The following COG6 variants were observed in gnomAD, a reference collection of about 807,000 sequenced individuals.
COG6 encodes component of oligomeric golgi complex 6, also known as conserved oligomeric Golgi complex subunit 6.
In COG6, 74 loss-of-function variants were observed where a neutral mutation model predicts 88.8. The ratio of observed to expected loss-of-function variants is 0.83; its 90% CI spans 0.69 to 1.01. The LOEUF (loss-of-function observed/expected upper bound fraction) is 1.01, where lower values mean the gene tolerates loss of function less well. COG6 is among the 50% of genes least tolerant of loss of function. The pLI is 0.00. For synonymous variants in COG6, 286 were observed against 278.7 expected (o/e 1.03, Z -0.26); for missense variants, 800 against 797.9 (o/e 1.00, Z -0.03).
At chr13:39,710,844 CTT>C (rs11288000) in intron 13 of COG6, among the ~76,000 whole-genome samples, 67 of 147,828 alleles carry the variant, frequency 4.5e-4, no homozygotes, top group South Asian at 8.6e-4. Context: ...TGGTTCTTTT[CTT>C]TTTTTTTTTG....
chr13:39,679,215 A>T, intron 5 of COG6: 1 of 318,044 alleles, frequency 3.1e-6, no homozygotes, highest in Non-Finnish European at 5.9e-6. Context: ...TTCATGTAGT[A>T]ATTTTTAGTT....
chr13:39,775,608 C>G (rs1047976172), intron 18 of COG6, among the ~76,000 whole-genome samples: 1 of 152,180 alleles, frequency 6.6e-6, no homozygotes, highest in African/African-American at 2.4e-5. Flanking sequence ...CCCCTCACAT[C>G]CTGTGACCTT....
At position 39,781,441 on chromosome 13, in the gene COG6, G is replaced by GT. The variant is rs34052593; in HGVS notation, c.1827-6878dup. On this transcript the variant is annotated intron_variant, in intron 18 of 18. Transcript: ENST00000416691. ...AAAAAAGTAGGAGCAAATGCGGAGG[G>GT]TTTTTTTTTTTTTTTTAGTATGAGA... Among the ~76,000 whole-genome samples the GT allele has an allele frequency of 3.9e-3, 552 of 142,166 alleles. 3 individuals carry two copies. Among genetic ancestry groups the GT allele is most frequent in the African/African-American group, 0.013 (516 of 38,922 alleles). 93.3% of individuals were successfully genotyped at this position (142,166 alleles called of 152,430 possible). A position where few individuals can be genotyped will look rare whatever the true frequency, so the allele number is the denominator to read the frequency against.
intron 12 of COG6, among the ~76,000 whole-genome samples, chr13:39,697,561 A>T (rs562328313): frequency 6.6e-6 from 1 of 151,986 alleles, no homozygotes; most frequent in African/African-American, 2.4e-5. Flanking sequence ...TTACTTTCCT[A>T]TGCCCTTATC....
At chr13:39,694,495 A>C (rs1182599219) in intron 11 of COG6, 139 bp from the exon 12 acceptor site, 2 of 558,350 alleles carry the variant, frequency 3.6e-6, no homozygotes, top group Non-Finnish European at 6.6e-6. Flanking sequence ...CTTACTACTC[A>C]GAAATTATTT....
At chr13:39,715,153 G>A (rs1878458242) in intron 13 of COG6, among the ~76,000 whole-genome samples, 1 of 151,802 alleles carries the variant, frequency 6.6e-6, no homozygotes, top group South Asian at 2.1e-4. Context: ...CTTCGCCACA[G>A]TACAATCATC....
intron 13 of COG6, among the ~76,000 whole-genome samples, chr13:39,707,435 T>C (rs1223284035): frequency 1.3e-5 from 2 of 152,184 alleles, no homozygotes; most frequent in Non-Finnish European, 2.9e-5. Context: ...CCAAGCTTTA[T>C]TTTTAACTGC....
chr13:39,698,898 A>G (rs1352712352), intron 12 of COG6, among the ~76,000 whole-genome samples: 5 of 151,816 alleles, frequency 3.3e-5, no homozygotes, highest in Non-Finnish European at 7.4e-5. Flanking sequence ...GAATGGGTCT[A>G]AGAAATAGCC....
intron 18 of COG6, among the ~76,000 whole-genome samples, chr13:39,763,813 A>C (rs1388303070): frequency 6.6e-6 from 1 of 151,810 alleles, no homozygotes; most frequent in Non-Finnish European, 1.5e-5. Context: ...ATTTTATATG[A>C]TAACACTTCA....
intron 18 of COG6, among the ~76,000 whole-genome samples, chr13:39,743,880 C>T (rs917375355): frequency 1.3e-5 from 2 of 152,078 alleles, no homozygotes; most frequent in Non-Finnish European, 1.5e-5. Context: ...CTGAATCCAG[C>T]AGCACATCAA....
In COG6 at chr13:39,751,425, A is replaced by C; in HGVS notation, c.*332A>C. The C allele has an allele frequency of 7.8e-7, 1 of 1,285,000 alleles. No homozygotes were observed. The highest frequency in any genetic ancestry group is 1.0e-6 in the Non-Finnish European group (1 of 983,646). 79.6% of individuals were successfully genotyped at this position (1,285,000 alleles called of 1,614,324 possible). On this transcript the variant is annotated 3_prime_UTR_variant, in exon 19 of 19. Transcript: ENST00000455146. ...TTTTTTTTTACAAGACTAGTTCTAA[A>C]TTAACAGCTTATAAAAAATTTGTCT...
At chr13:39,741,688 T>G (rs1479125116) in intron 18 of COG6, among the ~76,000 whole-genome samples, 4 of 152,044 alleles carry the variant, frequency 2.6e-5, no homozygotes, top group Admixed American at 6.6e-5. Flanking sequence ...CTTCAGGATG[T>G]TATCCAGGAG....
intron 18 of COG6, among the ~76,000 whole-genome samples, chr13:39,749,780 A>G (rs1327359405): frequency 6.6e-6 from 1 of 152,210 alleles, no homozygotes. Context: ...CTGGAATTAG[A>G]ATAGTGATAG....
Position 39,679,955 on chromosome 13 carries a change from A to C in COG6, c.624-20A>C. 1 of 1,299,470 alleles carries C rather than the reference A, an allele frequency of 7.7e-7. No individual in the cohort carries two copies. 80.5% of individuals were successfully genotyped at this position (1,299,470 alleles called of 1,614,324 possible). On this transcript the variant is annotated intron_variant, in intron 6 of 18. Transcript: ENST00000455146. ...ATCTGTTGACTAAAGTTTAAATTAT[A>C]ATCATTAATTTTTTTTTAGTTTAGA... is the stretch of plus-strand genomic sequence containing the variant.
At chr13:39,790,342 A>C (rs2138198141) in exon 19 of COG6, 1 of 152,324 alleles carries the variant, frequency 6.6e-6, no homozygotes, top group South Asian at 2.1e-4. Context: ...AAAATTGTGT[A>C]GCCTGGTATA....
In COG6 at chr13:39,752,108, GAATA is replaced by G. The variant is rs1486932197; in HGVS notation, c.*1019_*1022del. 7.8e-7 allele frequency: 1 copy of G among 1,278,664 alleles called. No homozygotes were observed. The highest frequency in any genetic ancestry group is 1.5e-5 in the African/African-American group (1 of 65,476). The allele number at this position is 1,278,664 out of a possible 1,614,324, so 79.2% of individuals were successfully genotyped here. A position where few individuals can be genotyped will look rare whatever the true frequency, so the allele number is the denominator to read the frequency against. ...ATTAAAAATGACTGTATTTTTAAAG[GAATA>G]AATCCCAGTGTGCCTGATTTGACAT... On this transcript the variant is annotated 3_prime_UTR_variant, in exon 19 of 19. Coordinates refer to ENST00000455146, the MANE Select transcript of COG6 (RefSeq NM_020751.3).
At chr13:39,723,829 T>C (rs1294475159) in intron 16 of COG6, among the ~76,000 whole-genome samples, 1 of 152,218 alleles carries the variant, frequency 6.6e-6, no homozygotes, top group African/African-American at 2.4e-5. Context: ...TATTAGTTAA[T>C]TGAATGCATA....
intron 8 of COG6, among the ~76,000 whole-genome samples, chr13:39,684,526 A>G (rs2137999270): frequency 6.6e-6 from 1 of 152,182 alleles, no homozygotes; most frequent in African/African-American, 2.4e-5. Context: ...CTGGGATTAC[A>G]GGCGTGAGCC....
Position 39,655,717 on chromosome 13 carries a change from G to C in COG6, c.-10G>C, listed in dbSNP as rs772205293. The C allele has an allele frequency of 3.2e-6, 5 of 1,586,658 alleles. No individual in the cohort carries two copies. Among genetic ancestry groups the C allele is most frequent in the Non-Finnish European group, 3.4e-6 (4 of 1,165,646 alleles). On this transcript the variant is annotated 5_prime_UTR_variant, in exon 1 of 19. Transcript: ENST00000455146. ...CTGAGGTGGCAGCAGGGGGCGGGAC[G>C]CGCAGCGCTATGGCAGAGGGCAGCG...
Sources: allele counts gnomAD v4.1 joint callset (sites outside exome capture counted in the v4.1 genomes callset), GRCh38; gene constraint gnomAD v4.1.1; transcripts MANE v1.5; gene names NCBI Gene and HGNC (gene_info 2026-07-23, HGNC 2026-07-21).